The following PLEKHA7 variants were observed in gnomAD, a reference collection of about 807,000 sequenced individuals.
PLEKHA7 encodes the protein pleckstrin homology domain-containing family A member 7.
PLEKHA7 carries 104 observed loss-of-function variants against 170.0 expected under a neutral mutation model. The observed-to-expected ratio is 0.61, with a 90% CI of 0.52 to 0.72. PLEKHA7 has a LOEUF of 0.72. Ranked by LOEUF, PLEKHA7 falls within the 30% of genes least tolerant of loss-of-function variation. PLEKHA7 has a pLI of 0.00. For missense variants in PLEKHA7, 1,615 were observed against 1,671.7 expected (o/e 0.97, Z 0.59); for synonymous variants, 648 against 660.8 (o/e 0.98, Z 0.30).
intron 3 of PLEKHA7, among the ~76,000 whole-genome samples, chr11:16,992,956 C>T (rs1332167485): frequency 1.3e-5 from 2 of 152,024 alleles, no homozygotes; most frequent in Non-Finnish European, 2.9e-5. Flanking sequence ...TTGTGAAATT[C>T]CCTCCAGGCC....
chr11:16,989,030 C>T (rs1037946472), intron 3 of PLEKHA7, among the ~76,000 whole-genome samples: 3 of 152,238 alleles, frequency 2.0e-5, no homozygotes, highest in Non-Finnish European at 4.4e-5. Flanking sequence ...CAAATAGCCA[C>T]ATCTTCCTCA....
chr11:16,859,433 C>G (rs975618265), intron 4 of PLEKHA7, among the ~76,000 whole-genome samples: 1 of 152,152 alleles, frequency 6.6e-6, no homozygotes, highest in African/African-American at 2.4e-5. Context: ...AAAAAAGTCT[C>G]AAAAACAATT....
chr11:16,816,752 G>A (rs1438077838), intron 11 of PLEKHA7, 48 bp downstream of exon 11: 1 of 1,588,772 alleles, frequency 6.3e-7, no homozygotes, highest in African/African-American at 1.3e-5. Flanking sequence ...AAAGCTCCTG[G>A]CGCCCTCATG....
chr11:16,880,172 C>A (rs1384141344), intron 3 of PLEKHA7, among the ~76,000 whole-genome samples: 2 of 152,268 alleles, frequency 1.3e-5, no homozygotes, highest in East Asian at 3.9e-4. Context: ...ACTACTCAAC[C>A]TCCCTGGGCC....
At chr11:16,785,396 CTGTG>C (rs1849328331) in intron 24 of PLEKHA7, among the ~76,000 whole-genome samples, 1 of 152,234 alleles carries the variant, frequency 6.6e-6, no homozygotes, top group South Asian at 2.1e-4. Flanking sequence ...TTATGGGTCA[CTGTG>C]TGATTCATTC....
At chr11:16,854,377 T>C (rs1202482284) in intron 6 of PLEKHA7, among the ~76,000 whole-genome samples, 1 of 152,042 alleles carries the variant, frequency 6.6e-6, no homozygotes, top group African/African-American at 2.4e-5. Context: ...AGAATGGTGG[T>C]ACCATTACTA....
chr11:16,788,884 G>A, intron 23 of PLEKHA7: 1 of 629,920 alleles, frequency 1.6e-6, no homozygotes. Flanking sequence ...GGGCCTGTTT[G>A]ATCCTCACTC....
intron 4 of PLEKHA7, among the ~76,000 whole-genome samples, chr11:16,859,572 A>G (rs752131739): frequency 2.2e-4 from 34 of 152,226 alleles, no homozygotes; most frequent in Non-Finnish European, 4.3e-4. Flanking sequence ...TGAAAGGAAC[A>G]TCCTTCACTT....
At chr11:16,921,183 A>G (rs1201149027) in intron 3 of PLEKHA7, among the ~76,000 whole-genome samples, 2 of 152,226 alleles carry the variant, frequency 1.3e-5, no homozygotes, top group Non-Finnish European at 2.9e-5. Flanking sequence ...TCTGGAACAG[A>G]GCAAAACAGC....
intron 3 of PLEKHA7, among the ~76,000 whole-genome samples, chr11:16,962,192 A>C (rs890000416): frequency 6.6e-6 from 1 of 152,160 alleles, no homozygotes; most frequent in Non-Finnish European, 1.5e-5. Context: ...GACTGCCTGG[A>C]TTCCAATCCC....
At chr11:17,010,466 C>A (rs999684783) in intron 3 of PLEKHA7, among the ~76,000 whole-genome samples, 1 of 151,830 alleles carries the variant, frequency 6.6e-6, no homozygotes, top group African/African-American at 2.4e-5. Context: ...GCTGGCCAGG[C>A]ATGGTGGCCT....
At chr11:16,799,413 C>G (rs1848442788) in intron 17 of PLEKHA7, among the ~76,000 whole-genome samples, 1 of 152,046 alleles carries the variant, frequency 6.6e-6, no homozygotes, top group African/African-American at 2.4e-5. Context: ...ATGGGAGGGG[C>G]AGAAAGGGAG....
At chr11:16,933,075 T>C (rs1483087350) in intron 3 of PLEKHA7, among the ~76,000 whole-genome samples, 1 of 152,234 alleles carries the variant, frequency 6.6e-6, no homozygotes, top group East Asian at 1.9e-4. Context: ...ATCTTCTATG[T>C]AGAGGATGGC....
intron 3 of PLEKHA7, among the ~76,000 whole-genome samples, chr11:16,997,150 G>A (rs1864390722): frequency 6.6e-6 from 1 of 152,060 alleles, no homozygotes; most frequent in South Asian, 2.1e-4. Flanking sequence ...TTCACCCCAG[G>A]TCACCACTGC....
At chr11:16,924,480 C>T (rs1448218327) in intron 3 of PLEKHA7, among the ~76,000 whole-genome samples, 2 of 152,134 alleles carry the variant, frequency 1.3e-5, no homozygotes, top group African/African-American at 4.8e-5. Context: ...GTCTCCTACA[C>T]CTGGTCTGGA....
chr11:16,869,037 A>G (rs1854621245), intron 4 of PLEKHA7, among the ~76,000 whole-genome samples: 1 of 152,176 alleles, frequency 6.6e-6, no homozygotes, highest in Non-Finnish European at 1.5e-5. Context: ...TGTCTCCGGG[A>G]TGCCTGAGGA....
chr11:16,915,443 T>C (rs1313765051), intron 3 of PLEKHA7, among the ~76,000 whole-genome samples: 1 of 151,998 alleles, frequency 6.6e-6, no homozygotes, highest in Non-Finnish European at 1.5e-5. Flanking sequence ...ACATGTGCCA[T>C]GCTGGTGCGC....
At chr11:16,834,471 G>C (rs1204957101) in intron 9 of PLEKHA7, among the ~76,000 whole-genome samples, 1 of 152,158 alleles carries the variant, frequency 6.6e-6, no homozygotes, top group African/African-American at 2.4e-5. Context: ...GGTTTCCAAA[G>C]ACTTACTAAG....
At chr11:16,842,652 G>T (rs1162915871) in intron 8 of PLEKHA7, 1 of 145,484 alleles carries the variant, frequency 6.9e-6, no homozygotes, top group African/African-American at 2.5e-5. Flanking sequence ...ACTGAAAAAT[G>T]ACTGGGAAGA....
Sources: gnomAD v4.1 joint callset for allele counts (sites outside exome capture counted in the v4.1 genomes callset) on GRCh38, gnomAD v4.1.1 for gene constraint, MANE v1.5 for transcripts, NCBI Gene and HGNC (gene_info 2026-07-23, HGNC 2026-07-21) for gene names.